Variants in FRS2 observed in about 807,000 individuals in gnomAD.
The protein encoded by FRS2 is FGFR signalling adaptor.
FRS2 carries 8 observed loss-of-function variants against 43.9 expected under a neutral mutation model. That is an observed-to-expected ratio of 0.18 (90% CI 0.11 to 0.33). The LOEUF is 0.33. Ranked by LOEUF, FRS2 falls within the 10% of genes least tolerant of loss-of-function variation. The probability of loss-of-function intolerance (pLI) is 1.00; values close to 1 mark genes in which losing one functional copy is unlikely to be tolerated. For missense variants in FRS2, 534 were observed against 627.6 expected (o/e 0.85, Z 1.59); for synonymous variants, 219 against 220.3 (o/e 0.99, Z 0.05).
intron 4 of FRS2, among the ~76,000 whole-genome samples, chr12:69,566,346 C>T (rs946537242): frequency 1.3e-5 from 2 of 151,930 alleles, no homozygotes; most frequent in Non-Finnish European, 2.9e-5. Flanking sequence ...ACAAGGAGGT[C>T]GGGGAGAACA....
At chr12:69,548,952 G>C (rs1361402337) in intron 3 of FRS2, among the ~76,000 whole-genome samples, 2 of 152,216 alleles carry the variant, frequency 1.3e-5, no homozygotes, top group East Asian at 3.8e-4. Context: ...GTGCAGAGTA[G>C]AGTAGAGAAG....
rs140894077 is a variant in FRS2, at chr12:69,513,914, T to C, written c.-260-16951T>C. The stretch of plus-strand genomic sequence containing the variant: ...CCTTTGAAATAAATCTAAATCTGCC[T>C]AGATATTTCTCACTTTCTAAATTAA... On this transcript the variant is annotated intron_variant, in intron 1 of 8. Transcript: ENST00000549921. 5.8e-3 allele frequency among the ~76,000 whole-genome samples: 886 copies of C among 152,308 alleles called. 8 individuals are homozygous for C. The highest frequency in any genetic ancestry group is 0.021 in the African/African-American group (853 of 41,580).
intron 6 of FRS2, among the ~76,000 whole-genome samples, chr12:69,570,815 G>A (rs1388397691): frequency 6.6e-6 from 1 of 152,156 alleles, no homozygotes; most frequent in African/African-American, 2.4e-5. Context: ...GAATGGCCTT[G>A]ACAAGTTACA....
chr12:69,533,102 CT>C (rs1876962554), intron 3 of FRS2, among the ~76,000 whole-genome samples: 1 of 152,292 alleles, frequency 6.6e-6, no homozygotes, highest in African/African-American at 2.4e-5. Context: ...TCAGCTGATA[CT>C]TTCCTGTATA....
At chr12:69,555,886 A>G (rs1055291604) in intron 3 of FRS2, among the ~76,000 whole-genome samples, 6 of 152,174 alleles carry the variant, frequency 3.9e-5, no homozygotes, top group Non-Finnish European at 5.9e-5. Flanking sequence ...AATATATTTA[A>G]CAATATTTTA....
intron 1 of FRS2, among the ~76,000 whole-genome samples, chr12:69,474,509 A>G (rs1474292305): frequency 1.3e-5 from 2 of 152,238 alleles, no homozygotes; most frequent in Non-Finnish European, 2.9e-5. Flanking sequence ...CAGTGGGTAA[A>G]GAATTTGATA....
At chr12:69,517,093 A>G (rs992861525) in intron 1 of FRS2, among the ~76,000 whole-genome samples, 5 of 152,114 alleles carry the variant, frequency 3.3e-5, no homozygotes, top group African/African-American at 1.2e-4. Context: ...TTCATCCTCC[A>G]CAAGGGAAAA....
chr12:69,501,872 A>G (rs1873474462), intron 1 of FRS2, among the ~76,000 whole-genome samples: 1 of 152,210 alleles, frequency 6.6e-6, no homozygotes, highest in South Asian at 2.1e-4. Flanking sequence ...CCAGGTTACA[A>G]GCATTCTTTA....
rs149243289 is a variant in FRS2 at position 69,521,034 on chromosome 12, G to A, written c.-260-9831G>A. 6.0e-3 allele frequency among the ~76,000 whole-genome samples: 919 copies of A among 152,294 alleles called. 8 individuals are homozygous for A. The highest frequency in any genetic ancestry group is 0.021 in the African/African-American group (858 of 41,564). ...CGATATTGATTCTTCCTATCCATGAGCATGGAATGTTTTCCCATTTGTTTG... is the reference window on the plus strand; with the variant it reads ...CGATATTGATTCTTCCTATCCATGAACATGGAATGTTTTCCCATTTGTTTG... On this transcript the variant is annotated intron_variant, in intron 1 of 8. Transcript: ENST00000549921.
At chr12:69,552,609 G>T (rs1050576418) in intron 3 of FRS2, among the ~76,000 whole-genome samples, 2 of 152,054 alleles carry the variant, frequency 1.3e-5, no homozygotes, top group African/African-American at 4.8e-5. Flanking sequence ...TTAATCCTAG[G>T]TATCTTATTA....
intron 1 of FRS2, among the ~76,000 whole-genome samples, chr12:69,492,973 A>C (rs1017319296): frequency 2.0e-5 from 3 of 152,212 alleles, no homozygotes; most frequent in Non-Finnish European, 4.4e-5. Flanking sequence ...GTTTAAAACT[A>C]GTAATGGAAT....
At chr12:69,517,839 GC>G (rs1161440350) in intron 1 of FRS2, among the ~76,000 whole-genome samples, 19 of 152,018 alleles carry the variant, frequency 1.2e-4, no homozygotes, top group Non-Finnish European at 2.4e-4. Flanking sequence ...TTGCTCATAA[GC>G]TACTTCATTT....
At chr12:69,471,988 G>T (rs968131668) in intron 1 of FRS2, among the ~76,000 whole-genome samples, 4 of 152,202 alleles carry the variant, frequency 2.6e-5, no homozygotes, top group Non-Finnish European at 5.9e-5. Context: ...TTTCAAGGTT[G>T]TTGATTTTGA....
chr12:69,570,750 G>C (rs1012718796), intron 6 of FRS2, among the ~76,000 whole-genome samples: 1 of 152,158 alleles, frequency 6.6e-6, no homozygotes, highest in Admixed American at 6.5e-5. Flanking sequence ...AAATGATTGG[G>C]TCAGCTAAAT....
chr12:69,536,394 A>G (rs943534428), intron 3 of FRS2, among the ~76,000 whole-genome samples: 4 of 151,756 alleles, frequency 2.6e-5, no homozygotes, highest in Non-Finnish European at 5.9e-5. Context: ...AAGTGCTGGG[A>G]TTACAGGCGT....
At chr12:69,510,753 C>T (rs1165146632) in intron 1 of FRS2, among the ~76,000 whole-genome samples, 2 of 152,138 alleles carry the variant, frequency 1.3e-5, no homozygotes, top group Non-Finnish European at 2.9e-5. Flanking sequence ...ATGTGGTGAA[C>T]ATTAAATTAA....
intron 1 of FRS2, among the ~76,000 whole-genome samples, chr12:69,516,196 GATTATT>G (rs1165108524): frequency 4.7e-5 from 7 of 150,442 alleles, no homozygotes; most frequent in Admixed American, 2.0e-4. Flanking sequence ...AAAGTGAGTA[GATTATT>G]ATTATTATTA....
At chr12:69,553,499 C>G (rs1451421481) in intron 3 of FRS2, among the ~76,000 whole-genome samples, 1 of 152,186 alleles carries the variant, frequency 6.6e-6, no homozygotes, top group Middle Eastern at 3.4e-3. Context: ...TATGATTGTA[C>G]CTTTAAATTT....
At chr12:69,534,674 C>T (rs774212547) in intron 3 of FRS2, among the ~76,000 whole-genome samples, 7 of 152,170 alleles carry the variant, frequency 4.6e-5, no homozygotes, top group Non-Finnish European at 1.0e-4. Flanking sequence ...TGCATCATTC[C>T]TCCTAATCAC....
Sources: allele counts gnomAD v4.1 joint callset (sites outside exome capture counted in the v4.1 genomes callset), GRCh38; gene constraint gnomAD v4.1.1; transcripts MANE v1.5; gene names NCBI Gene and HGNC (gene_info 2026-07-23, HGNC 2026-07-21).